Variants in KCND2 observed in about 807,000 individuals in gnomAD.
The protein encoded by KCND2 is A-type voltage-gated potassium channel KCND2.
In KCND2, 16 loss-of-function variants were observed where a neutral mutation model predicts 54.4. The ratio of observed to expected loss-of-function variants is 0.29; its 90% CI spans 0.20 to 0.45. KCND2 has a LOEUF of 0.45. Ranked by LOEUF, KCND2 falls within the 20% of genes least tolerant of loss-of-function variation. KCND2 has a pLI of 1.00. For missense variants in KCND2, 486 were observed against 824.2 expected, an observed-to-expected ratio of 0.59 and a Z score of 5.02; for synonymous variants, 317 against 310.7, an observed-to-expected ratio of 1.02 and a Z score of -0.21.
chr7:120,304,981 C>G (rs1165380204), intron 1 of KCND2, among the ~76,000 whole-genome samples: 1 of 152,168 alleles, frequency 6.6e-6, no homozygotes, highest in Non-Finnish European at 1.5e-5. Flanking sequence ...TCCTTGGAGA[C>G]ATTGTCTCTC....
At chr7:120,663,773 G>C (rs1791893803) in intron 1 of KCND2, among the ~76,000 whole-genome samples, 1 of 152,112 alleles carries the variant, frequency 6.6e-6, no homozygotes, top group Non-Finnish European at 1.5e-5. Context: ...CTCTACAGGA[G>C]AGATTGTAGT....
chr7:120,570,311 T>C (rs1030613002), intron 1 of KCND2, among the ~76,000 whole-genome samples: 3 of 151,788 alleles, frequency 2.0e-5, no homozygotes, highest in Non-Finnish European at 1.5e-5. Context: ...TTGGAGACAA[T>C]GTTCACTGTT....
chr7:120,712,661 G>A lies in KCND2; in HGVS notation c.1116-20242G>A, dbSNP rs72603602. Among the ~76,000 whole-genome samples the A allele has an allele frequency of 4.0e-3, 615 of 152,190 alleles. 26 individuals carry two copies. In the East Asian group the frequency reaches 0.096, roughly 24 times the overall value. Reference sequence around the variant, plus strand: ...CAGACAAATGTCCATAATGAAAAGTGCAAAACATGTCCATCTAAGAGAATA... The same window carrying A: ...CAGACAAATGTCCATAATGAAAAGTACAAAACATGTCCATCTAAGAGAATA... On this transcript the variant is annotated intron_variant, in intron 1 of 5. Coordinates refer to ENST00000331113, the MANE Select transcript of KCND2 (RefSeq NM_012281.3).
intron 1 of KCND2, among the ~76,000 whole-genome samples, chr7:120,649,754 C>T (rs574371432): frequency 6.6e-6 from 1 of 152,072 alleles, no homozygotes; most frequent in Non-Finnish European, 1.5e-5. Flanking sequence ...TGGCTGGTAC[C>T]AGTTGTTCCT....
intron 1 of KCND2, among the ~76,000 whole-genome samples, chr7:120,728,205 G>A (rs763981250): frequency 2.7e-5 from 4 of 150,038 alleles, no homozygotes; most frequent in Non-Finnish European, 5.9e-5. Flanking sequence ...TTCAATTAAC[G>A]ATGTTCAAGT....
chr7:120,289,174 G>T (rs938927709), intron 1 of KCND2, among the ~76,000 whole-genome samples: 2 of 151,996 alleles, frequency 1.3e-5, no homozygotes, highest in African/African-American at 4.8e-5. Context: ...ACAAAGAATA[G>T]AGTATACACT....
chr7:120,376,909 T>C (rs1334582154), intron 1 of KCND2, among the ~76,000 whole-genome samples: 1 of 151,962 alleles, frequency 6.6e-6, no homozygotes, highest in Non-Finnish European at 1.5e-5. Context: ...GAAGAATCTA[T>C]AGCCCAGGTT....
intron 1 of KCND2, among the ~76,000 whole-genome samples, chr7:120,596,072 T>A (rs1226876422): frequency 6.6e-6 from 1 of 152,190 alleles, no homozygotes; most frequent in Non-Finnish European, 1.5e-5. Flanking sequence ...ATTACTGTGA[T>A]GTCAAATGAA....
At chr7:120,559,273 C>T (rs918979308) in intron 1 of KCND2, among the ~76,000 whole-genome samples, 5 of 152,184 alleles carry the variant, frequency 3.3e-5, no homozygotes, top group African/African-American at 7.2e-5. Context: ...CATTTAACTA[C>T]GACCATTGAT....
chr7:120,389,311 A>G (rs768804129), intron 1 of KCND2, among the ~76,000 whole-genome samples: 5 of 151,856 alleles, frequency 3.3e-5, no homozygotes, highest in East Asian at 3.9e-4. Context: ...TGATTATTAC[A>G]CTCAAGCAAG....
intron 1 of KCND2, among the ~76,000 whole-genome samples, chr7:120,473,214 G>C (rs1033820678): frequency 1.3e-5 from 2 of 152,170 alleles, no homozygotes; most frequent in African/African-American, 4.8e-5. Flanking sequence ...GTGTAGCAGT[G>C]TATAACTTTC....
intron 1 of KCND2, among the ~76,000 whole-genome samples, chr7:120,728,571 TG>T (rs1194145845): frequency 6.6e-6 from 1 of 152,166 alleles, no homozygotes; most frequent in Non-Finnish European, 1.5e-5. Context: ...ATTACAGCCG[TG>T]AACCATTACA....
intron 1 of KCND2, among the ~76,000 whole-genome samples, chr7:120,427,150 T>C (rs1801719496): frequency 6.6e-6 from 1 of 152,236 alleles, no homozygotes; most frequent in Non-Finnish European, 1.5e-5. Context: ...GTTTGTTTCA[T>C]GTTTCCTTTC....
In KCND2 at chr7:120,741,615, A is replaced by C; in HGVS notation, c.1360A>C (p.Ser454Arg). Residue 454 changes from serine (S) to arginine (R), a missense_variant, in exon 3 of 6, where the codon AGT (serine) becomes CGT (arginine). Coordinates refer to ENST00000331113, the MANE Select transcript of KCND2 (RefSeq NM_012281.3). Reference protein sequence around the residue: ...YMQSKRNGLLSNQLQSSEDEQ... With the variant: ...YMQSKRNGLLRNQLQSSEDEQ... The stretch of plus-strand genomic sequence containing the variant: ...GCAGAGCAAACGGAATGGTTTACTC[A>C]GTAATCAGCTGCAGGTACAATCAAT... The C allele has an allele frequency of 6.2e-7, 1 of 1,610,546 alleles. No individual in the cohort carries two copies. The highest frequency in any genetic ancestry group is 1.3e-5 in the African/African-American group (1 of 74,976).
At chr7:120,540,230 C>T (rs1386497288) in intron 1 of KCND2, among the ~76,000 whole-genome samples, 1 of 152,122 alleles carries the variant, frequency 6.6e-6, no homozygotes. Context: ...ACTTGTAACA[C>T]TGTTCAGCAG....
chr7:120,615,682 G>A lies in KCND2; in HGVS notation c.1116-117221G>A, dbSNP rs115478642. 9.5e-3 allele frequency among the ~76,000 whole-genome samples: 1,445 copies of A among 152,156 alleles called. 23 individuals are homozygous for A. The highest frequency in any genetic ancestry group is 0.033 in the African/African-American group (1,356 of 41,500). ...GATTGTCTCCATGTTCTTTATCACCGTTTTGTTCAGCATTTCTCTAGCAAA... is the reference window on the plus strand; with the variant it reads ...GATTGTCTCCATGTTCTTTATCACCATTTTGTTCAGCATTTCTCTAGCAAA... On this transcript the variant is annotated intron_variant, in intron 1 of 5. Coordinates refer to ENST00000331113, the MANE Select transcript of KCND2 (RefSeq NM_012281.3).
intron 1 of KCND2, among the ~76,000 whole-genome samples, chr7:120,508,518 T>C (rs1411134823): frequency 6.6e-6 from 1 of 152,034 alleles, no homozygotes; most frequent in Non-Finnish European, 1.5e-5. Flanking sequence ...ACACTACTTA[T>C]TCGCATTATG....
chr7:120,343,577 G>A (rs2191736), intron 1 of KCND2, among the ~76,000 whole-genome samples: 109,285 of 152,090 alleles, frequency 0.72, 41,394 homozygotes, highest in South Asian at 0.91. Context: ...ATCCTCATAT[G>A]CAGATAGCAA....
intron 1 of KCND2, among the ~76,000 whole-genome samples, chr7:120,582,631 A>G (rs1294910831): frequency 6.6e-6 from 1 of 152,048 alleles, no homozygotes; most frequent in Non-Finnish European, 1.5e-5. Context: ...CTCCCATTCC[A>G]TAAAGTGGGC....
Sources: gnomAD v4.1 joint callset for allele counts (sites outside exome capture counted in the v4.1 genomes callset) on GRCh38, gnomAD v4.1.1 for gene constraint, MANE v1.5 for transcripts, NCBI Gene and HGNC (gene_info 2026-07-23, HGNC 2026-07-21) for gene names.